Variants in HIPK2 observed in about 807,000 individuals in gnomAD.
HIPK2 encodes the protein homeodomain interacting protein kinase 2.
In HIPK2, 27 loss-of-function variants were observed where a neutral mutation model predicts 113.7. The ratio of observed to expected loss-of-function variants is 0.24; its 90% CI spans 0.17 to 0.33. HIPK2 has a LOEUF of 0.33. HIPK2 is among the 10% of genes least tolerant of loss of function. HIPK2 has a pLI of 1.00. For synonymous variants in HIPK2, 631 were observed against 642.2 expected (o/e 0.98, Z 0.26); for missense variants, 1,257 against 1,588.0 (o/e 0.79, Z 3.54).
chr7:139,624,569 G>A (rs1252599462), intron 6 of HIPK2, among the ~76,000 whole-genome samples: 2 of 152,174 alleles, frequency 1.3e-5, no homozygotes, highest in Non-Finnish European at 2.9e-5. Context: ...TAAGCATCCT[G>A]TTTTCCCAGC....
At chr7:139,654,720 A>G (rs1401941975) in intron 2 of HIPK2, among the ~76,000 whole-genome samples, 1 of 152,160 alleles carries the variant, frequency 6.6e-6, no homozygotes, top group Non-Finnish European at 1.5e-5. Flanking sequence ...TGGGAAGGAC[A>G]AAGCGCAACA....
At chr7:139,610,220 A>G (rs899509401) in intron 9 of HIPK2, among the ~76,000 whole-genome samples, 5 of 152,208 alleles carry the variant, frequency 3.3e-5, no homozygotes, top group African/African-American at 1.2e-4. Flanking sequence ...AGAAATGCTA[A>G]TTATTATTTC....
In HIPK2 at chr7:139,716,139, T is replaced by C; in HGVS notation, c.896A>G (p.Lys299Arg). 1.2e-6 allele frequency: 2 copies of C among 1,614,024 alleles called. No individual in the cohort carries two copies. Among genetic ancestry groups the C allele is most frequent in the African/African-American group, 1.3e-5 (1 of 75,016 alleles). The change falls in exon 2 of 15, where the codon AAA (lysine) becomes AGA (arginine). Residue 299 changes from lysine to arginine, a missense_variant. By Grantham distance (26) the Lys-to-Arg change is conservative. Transcript: ENST00000406875. This position sits in a 1 kb window ranked among gnomAD's most constrained non-coding sequence, Gnocchi z 9.3. Reference protein sequence around the residue: ...KQNKFSPLPLKYIRPVLQQVA... With the variant: ...KQNKFSPLPLRYIRPVLQQVA... ...CTGCTGGAGAACTGGGCGAATGTAT[T>C]TGAGGGGCAAGGGGCTAAACTTGTT...
Position 139,561,756 on chromosome 7 carries a change from C to G in HIPK2, c.*11171G>C, listed in dbSNP as rs879015263. On this transcript the variant is annotated 3_prime_UTR_variant, in exon 15 of 15. Coordinates refer to ENST00000406875, the MANE Select transcript of HIPK2 (RefSeq NM_022740.5). ...TAACATAGTTCACCACAATGGGACC[C>G]CCCCCCCTTTTTCTCACCCTACAGT... 6.7e-6 allele frequency: 1 copy of G among 150,028 alleles called. No homozygotes were observed. Among genetic ancestry groups the G allele is most frequent in the Non-Finnish European group, 1.5e-5 (1 of 67,556 alleles). 9.3% of individuals were successfully genotyped at this position (150,028 alleles called of 1,614,324 possible).
chr7:139,708,924 CTG>C (rs375440374), intron 2 of HIPK2, among the ~76,000 whole-genome samples: 1 of 151,830 alleles, frequency 6.6e-6, no homozygotes, highest in Non-Finnish European at 1.5e-5. Context: ...GTGTGTGCAC[CTG>C]TGTGTGTGTG....
At chr7:139,659,441 G>A (rs984177945) in intron 2 of HIPK2, among the ~76,000 whole-genome samples, 2 of 139,850 alleles carry the variant, frequency 1.4e-5, no homozygotes, top group East Asian at 2.0e-4. Context: ...GCCCTGAGCC[G>A]CGGGGTCAGA....
intron 1 of HIPK2, among the ~76,000 whole-genome samples, chr7:139,744,042 G>A (rs1011635944): frequency 7.2e-5 from 11 of 152,106 alleles, no homozygotes; most frequent in Non-Finnish European, 1.3e-4. Flanking sequence ...TTAATTATTA[G>A]GGAAATGCAA....
At chr7:139,769,678 C>T (rs1487102442) in intron 1 of HIPK2, among the ~76,000 whole-genome samples, 1 of 152,174 alleles carries the variant, frequency 6.6e-6, no homozygotes, top group Non-Finnish European at 1.5e-5. Flanking sequence ...ATCCGACATC[C>T]TTGGAAAGAA....
At chr7:139,703,830 C>T (rs1794789236) in intron 2 of HIPK2, among the ~76,000 whole-genome samples, 2 of 135,536 alleles carry the variant, frequency 1.5e-5, no homozygotes. Flanking sequence ...CCAACACATA[C>T]ACCTCCCCCA....
intron 1 of HIPK2, among the ~76,000 whole-genome samples, chr7:139,769,090 AG>A (rs1156403132): frequency 6.6e-6 from 1 of 152,242 alleles, no homozygotes; most frequent in East Asian, 1.9e-4. Flanking sequence ...TGCCAATCCC[AG>A]CAAGTTTTCC....
intron 6 of HIPK2, among the ~76,000 whole-genome samples, chr7:139,624,423 T>C (rs1313035629): frequency 6.6e-6 from 1 of 152,128 alleles, no homozygotes; most frequent in Non-Finnish European, 1.5e-5. Flanking sequence ...GCTTCAGAAG[T>C]CACAGGTCCC....
At chr7:139,702,405 G>A (rs1794736504) in intron 2 of HIPK2, among the ~76,000 whole-genome samples, 1 of 152,200 alleles carries the variant, frequency 6.6e-6, no homozygotes, top group Admixed American at 6.5e-5. Flanking sequence ...CCCAGTCACG[G>A]GGGTGCATAT....
At chr7:139,776,141 A>G (rs73735621) in intron 1 of HIPK2, among the ~76,000 whole-genome samples, 15,587 of 152,210 alleles carry the variant, frequency 0.1, 2,632 homozygotes, top group African/African-American at 0.36. Flanking sequence ...GGCATGTTCT[A>G]TTCTGCGTGG....
At chr7:139,617,560 C>T (rs1585283641) in intron 7 of HIPK2, among the ~76,000 whole-genome samples, 1 of 152,150 alleles carries the variant, frequency 6.6e-6, no homozygotes, top group African/African-American at 2.4e-5. Flanking sequence ...AGTTGCTGAT[C>T]CACATGATAA....
At chr7:139,636,265 T>C (rs1341588763) in intron 2 of HIPK2, among the ~76,000 whole-genome samples, 1 of 151,896 alleles carries the variant, frequency 6.6e-6, no homozygotes, top group Non-Finnish European at 1.5e-5. Context: ...GGCTTGCCCA[T>C]TTCCTTTGTA....
At position 139,584,040 on chromosome 7, in the gene HIPK2, G is replaced by A. The variant is rs555528007; in HGVS notation, c.2742C>T (p.Asn914=). ...CGTGGACTGTGACACAGCTGATGACGTTTTTTCTTTGCTTGGAGACAGTGC... is the reference window on the plus strand; with the variant it reads ...CGTGGACTGTGACACAGCTGATGACATTTTTTCTTTGCTTGGAGACAGTGC... The part of the protein sequence containing the change: ...PTSTVSKQRK[N]VISCVTVHDS... The change falls in exon 13 of 15, where the codon AAC becomes AAT. Residue 914 remains asparagine, a synonymous_variant. Coordinates refer to ENST00000406875, the MANE Select transcript of HIPK2 (RefSeq NM_022740.5). 2.1e-5 allele frequency: 33 copies of A among 1,599,742 alleles called. No individual in the cohort carries two copies. Among genetic ancestry groups the A allele is most frequent in the African/African-American group, 2.7e-5 (2 of 74,604 alleles).
rs868347721 is a variant in HIPK2 at position 139,777,840 on chromosome 7, G to T, written c.-217C>A. 4,318 of 178,174 alleles carry T rather than the reference G, an allele frequency of 0.024. 190 individuals are homozygous for T. The highest frequency in any genetic ancestry group is 0.1 in the African/African-American group (4,058 of 40,506). The allele number at this position is 178,174 out of a possible 1,614,324, so 11.0% of individuals were successfully genotyped here. On this transcript the variant is annotated 5_prime_UTR_variant, in exon 1 of 15. Coordinates refer to ENST00000406875, the MANE Select transcript of HIPK2 (RefSeq NM_022740.5). ...CGCCGCCGCCGCCGCTGCCGCCCGG[G>T]CCCGGCGCGGGGGGCTCGGGGCTCG...
chr7:139,619,153 G>A (rs919060604), intron 7 of HIPK2, among the ~76,000 whole-genome samples: 13 of 152,174 alleles, frequency 8.5e-5, no homozygotes, highest in Non-Finnish European at 1.6e-4. Flanking sequence ...AGGCCAATGT[G>A]CCACAAGGAT....
chr7:139,629,784 C>T (rs1389934435), intron 4 of HIPK2, among the ~76,000 whole-genome samples: 5 of 152,164 alleles, frequency 3.3e-5, no homozygotes, highest in Non-Finnish European at 5.9e-5. Flanking sequence ...CGGCTTAAGT[C>T]CTGGGAACAG....
Sources: allele counts gnomAD v4.1 joint callset (sites outside exome capture counted in the v4.1 genomes callset), GRCh38; gene constraint gnomAD v4.1.1; non-coding constraint Gnocchi (gnomAD v3.1); transcripts MANE v1.5; gene names NCBI Gene and HGNC (gene_info 2026-07-23, HGNC 2026-07-21).